FOXN3: variants seen among roughly 807,000 people sequenced by gnomAD.
The protein encoded by FOXN3 is forkhead box protein N3.
In FOXN3, 7 loss-of-function variants were observed where a neutral mutation model predicts 38.4. The observed-to-expected ratio is 0.18, with a 90% CI of 0.10 to 0.34. The LOEUF (loss-of-function observed/expected upper bound fraction) is 0.34, where lower values mean the gene tolerates loss of function less well. FOXN3 is among the 10% of genes least tolerant of loss of function. The pLI is 1.00. For missense variants in FOXN3, 456 were observed against 613.4 expected (o/e 0.74, Z 2.71); for synonymous variants, 230 against 242.2 (o/e 0.95, Z 0.47).
intron 5 of FOXN3, among the ~76,000 whole-genome samples, chr14:89,173,014 AAG>A (rs1272665190): frequency 6.6e-6 from 1 of 152,194 alleles, no homozygotes; most frequent in Admixed American, 6.5e-5. Context: ...TGGAAATTGA[AAG>A]AGAGTGAAAA....
At chr14:89,282,635 A>G (rs1478230980) in intron 3 of FOXN3, among the ~76,000 whole-genome samples, 1 of 152,246 alleles carries the variant, frequency 6.6e-6, no homozygotes, top group East Asian at 1.9e-4. Context: ...TTGCCAATAC[A>G]GAATCACCTG....
At chr14:89,378,708 T>C (rs1890556346) in intron 2 of FOXN3, among the ~76,000 whole-genome samples, 1 of 101,136 alleles carries the variant, frequency 9.9e-6, no homozygotes, top group Admixed American at 9.8e-5. Context: ...TTTTTGCACT[T>C]TTTTTTTTTT....
chr14:89,273,277 T>C (rs1474871166), intron 4 of FOXN3, among the ~76,000 whole-genome samples: 4 of 152,166 alleles, frequency 2.6e-5, no homozygotes, highest in African/African-American at 9.7e-5. Flanking sequence ...ACAGTTACCC[T>C]GAAACATGAG....
chr14:89,524,429 T>C (rs1166120227), intron 1 of FOXN3, among the ~76,000 whole-genome samples: 1 of 83,566 alleles, frequency 1.2e-5, no homozygotes, highest in Non-Finnish European at 2.7e-5. Context: ...GAAAAAGAAC[T>C]GCAAATAAAA....
intron 3 of FOXN3, among the ~76,000 whole-genome samples, chr14:89,286,295 G>C (rs1240615252): frequency 6.6e-6 from 1 of 152,066 alleles, no homozygotes; most frequent in East Asian, 1.9e-4. Flanking sequence ...GGGGCGGGAA[G>C]AAAGGAAGAA....
chr14:89,441,930 T>A (rs1221144839), intron 1 of FOXN3, among the ~76,000 whole-genome samples: 4 of 148,940 alleles, frequency 2.7e-5, no homozygotes, highest in Non-Finnish European at 4.5e-5. Context: ...GACTTTTTTT[T>A]TTTTTTTTTT....
At chr14:89,307,496 G>A (rs1887412436) in intron 3 of FOXN3, among the ~76,000 whole-genome samples, 1 of 152,132 alleles carries the variant, frequency 6.6e-6, no homozygotes, top group Non-Finnish European at 1.5e-5. Context: ...AGATAATGCT[G>A]GATGGCCGGT....
chr14:89,167,802 C>G (rs1887280089), intron 5 of FOXN3, among the ~76,000 whole-genome samples: 1 of 152,220 alleles, frequency 6.6e-6, no homozygotes, highest in African/African-American at 2.4e-5. Flanking sequence ...AATCAGGCAA[C>G]TAGGCAACGA....
intron 4 of FOXN3, among the ~76,000 whole-genome samples, chr14:89,236,215 C>G (rs902625236): frequency 6.6e-6 from 1 of 152,174 alleles, no homozygotes; most frequent in African/African-American, 2.4e-5. Context: ...CCAGAAGGAG[C>G]CTTTGAGAGT....
chr14:89,333,107 C>T (rs1194600269), intron 3 of FOXN3: 1 of 154,980 alleles, frequency 6.5e-6, no homozygotes, highest in Non-Finnish European at 1.4e-5. Flanking sequence ...AAAGGAAACT[C>T]TAATACCTTG....
rs1488574104 is a variant in FOXN3, at chr14:89,159,022, A to C, written c.*3392T>G. 6.6e-6 allele frequency: 1 copy of C among 152,658 alleles called. No individual in the cohort carries two copies. The highest frequency in any genetic ancestry group is 2.4e-5 in the African/African-American group (1 of 41,438). 9.5% of individuals were successfully genotyped at this position (152,658 alleles called of 1,614,324 possible). The stretch of plus-strand genomic sequence containing the variant: ...GATACATATGCTAGTTTGGAAGCTA[A>C]AAGAACACCTGACGTTTGGGAAGGA... On this transcript the variant is annotated 3_prime_UTR_variant, in exon 6 of 6. Transcript: ENST00000557258.
chr14:89,211,909 T>G (rs1884104216), intron 4 of FOXN3, among the ~76,000 whole-genome samples: 1 of 152,226 alleles, frequency 6.6e-6, no homozygotes, highest in Admixed American at 6.5e-5. Context: ...TTGATGGTAT[T>G]TGAAGATAGG....
intron 2 of FOXN3, among the ~76,000 whole-genome samples, chr14:89,392,554 T>C (rs1346109729): frequency 6.6e-6 from 1 of 151,972 alleles, no homozygotes; most frequent in Non-Finnish European, 1.5e-5. Flanking sequence ...TCCTTGCTGT[T>C]CCTAGGCTTG....
At chr14:89,557,336 T>C (rs1895147779) in intron 1 of FOXN3, among the ~76,000 whole-genome samples, 2 of 152,174 alleles carry the variant, frequency 1.3e-5, no homozygotes, top group Admixed American at 6.5e-5. Context: ...TATCCTAGGT[T>C]TCATGAACAT....
At chr14:89,283,551 C>A (rs1237811317) in intron 3 of FOXN3, among the ~76,000 whole-genome samples, 3 of 152,082 alleles carry the variant, frequency 2.0e-5, no homozygotes. Flanking sequence ...GAGATGAAAC[C>A]AGTGACAGAA....
chr14:89,602,705 C>T (rs1896178528), intron 1 of FOXN3, among the ~76,000 whole-genome samples: 2 of 151,940 alleles, frequency 1.3e-5, no homozygotes, highest in Non-Finnish European at 2.9e-5. Context: ...ACCATCTTGG[C>T]CAGGCTGGTC....
chr14:89,563,929 A>G (rs1895298054), intron 1 of FOXN3, among the ~76,000 whole-genome samples: 1 of 152,132 alleles, frequency 6.6e-6, no homozygotes, highest in African/African-American at 2.4e-5. Flanking sequence ...GGCTCACTGC[A>G]AACTCCGCCT....
At chr14:89,224,066 G>C (rs1049715605) in intron 4 of FOXN3, among the ~76,000 whole-genome samples, 2 of 152,090 alleles carry the variant, frequency 1.3e-5, no homozygotes, top group Non-Finnish European at 2.9e-5. Context: ...AATCAACTTA[G>C]ATTTTGATTT....
At chr14:89,605,933 A>G (rs2139946152) in intron 1 of FOXN3, among the ~76,000 whole-genome samples, 1 of 152,204 alleles carries the variant, frequency 6.6e-6, no homozygotes, top group African/African-American at 2.4e-5. Flanking sequence ...TGGGCAATAT[A>G]GCAAGACCCC....
Sources: allele counts gnomAD v4.1 joint callset (sites outside exome capture counted in the v4.1 genomes callset), GRCh38; gene constraint gnomAD v4.1.1; transcripts MANE v1.5; gene names NCBI Gene and HGNC (gene_info 2026-07-23, HGNC 2026-07-21).